The following STXBP5L variants were observed in gnomAD, a reference collection of about 807,000 sequenced individuals.
STXBP5L encodes syntaxin binding protein 5L, also known as syntaxin-binding protein 5-like.
A neutral mutation model predicts 144.5 loss-of-function variants in STXBP5L; 65 were observed. The observed-to-expected ratio is 0.45, with a 90% CI of 0.37 to 0.55. The LOEUF (loss-of-function observed/expected upper bound fraction) is 0.55, where lower values mean the gene tolerates loss of function less well. Ranked by LOEUF, STXBP5L falls within the 20% of genes least tolerant of loss-of-function variation. STXBP5L has a pLI of 0.00. For synonymous variants in STXBP5L, 505 were observed against 469.6 expected (o/e 1.08, Z -0.97); for missense variants, 1,298 against 1,405.5 (o/e 0.92, Z 1.22).
At chr3:121,155,282 A>G (rs2046072867) in intron 8 of STXBP5L, among the ~76,000 whole-genome samples, 1 of 151,796 alleles carries the variant, frequency 6.6e-6, no homozygotes, top group African/African-American at 2.4e-5. Context: ...TATCTTCCAT[A>G]TATAACACTT....
At chr3:121,011,663 T>A (rs11921863) in intron 3 of STXBP5L, among the ~76,000 whole-genome samples, 17,162 of 147,870 alleles carry the variant, frequency 0.12, 1,565 homozygotes, top group African/African-American at 0.22. Context: ...TATTCACTTT[T>A]AAAAAAAAAA....
chr3:121,169,587 A>T (rs929771664), intron 9 of STXBP5L, among the ~76,000 whole-genome samples: 1 of 152,224 alleles, frequency 6.6e-6, no homozygotes, highest in Non-Finnish European at 1.5e-5. Context: ...ACAAAGATCA[A>T]AAGAGACAAA....
At chr3:121,246,480 TAC>T (rs1262235868) in intron 14 of STXBP5L, among the ~76,000 whole-genome samples, 1 of 152,220 alleles carries the variant, frequency 6.6e-6, no homozygotes, top group Non-Finnish European at 1.5e-5. Context: ...CTATGTTACA[TAC>T]ATTGTTATTT....
intron 15 of STXBP5L, among the ~76,000 whole-genome samples, 194 bp from the exon 16 acceptor site, chr3:121,254,701 T>G (rs971966500): frequency 9.2e-5 from 14 of 152,196 alleles, no homozygotes; most frequent in Admixed American, 9.2e-4. Context: ...AATGTTTATT[T>G]TTTTCCCTGT....
At chr3:121,070,317 C>T (rs111542653) in intron 5 of STXBP5L, among the ~76,000 whole-genome samples, 3,787 of 152,256 alleles carry the variant, frequency 0.025, 68 homozygotes, top group Non-Finnish European at 0.044. Flanking sequence ...TGTGACCCTG[C>T]AGCCATGCAG....
chr3:121,165,223 T>G (rs1170997335), intron 9 of STXBP5L, among the ~76,000 whole-genome samples: 1 of 152,230 alleles, frequency 6.6e-6, no homozygotes, highest in East Asian at 1.9e-4. Flanking sequence ...CTTTAAAAGT[T>G]TGGAAGTTCC....
chr3:121,353,098 G>A (rs1017795551), intron 20 of STXBP5L, among the ~76,000 whole-genome samples: 1 of 152,054 alleles, frequency 6.6e-6, no homozygotes, highest in African/African-American at 2.4e-5. Flanking sequence ...ATTTTATTGA[G>A]GATTTTTGCA....
chr3:121,178,222 G>A (rs1342703513), intron 9 of STXBP5L, among the ~76,000 whole-genome samples: 1 of 152,150 alleles, frequency 6.6e-6, no homozygotes, highest in Non-Finnish European at 1.5e-5. Flanking sequence ...GCACAACAAT[G>A]TGAATCTACT....
chr3:121,053,549 C>A (rs1948199320), intron 5 of STXBP5L, among the ~76,000 whole-genome samples: 2 of 152,044 alleles, frequency 1.3e-5, no homozygotes, highest in Non-Finnish European at 2.9e-5. Context: ...GTGTAGAAAG[C>A]TGAATTTGGA....
chr3:121,090,731 A>C (rs1560116583), intron 5 of STXBP5L, among the ~76,000 whole-genome samples: 1 of 151,934 alleles, frequency 6.6e-6, no homozygotes, highest in Non-Finnish European at 1.5e-5. Context: ...GCTTTACTTC[A>C]TGGGGACACA....
intron 2 of STXBP5L, among the ~76,000 whole-genome samples, chr3:120,941,744 G>T (rs2107654138): frequency 6.6e-6 from 1 of 151,720 alleles, no homozygotes; most frequent in South Asian, 2.1e-4. Context: ...TTTAATCGTG[G>T]CACTAGGCTC....
chr3:121,109,713 T>G (rs1459282685), intron 5 of STXBP5L, among the ~76,000 whole-genome samples: 1 of 151,860 alleles, frequency 6.6e-6, no homozygotes, highest in Non-Finnish European at 1.5e-5. Context: ...GGATAGAGAG[T>G]TCTGTAGATA....
chr3:121,046,331 G>A (rs1423141596), intron 5 of STXBP5L, among the ~76,000 whole-genome samples: 1 of 151,852 alleles, frequency 6.6e-6, no homozygotes, highest in Admixed American at 6.6e-5. Context: ...TTTTTTTGTT[G>A]TATTTCTGCC....
intron 9 of STXBP5L, among the ~76,000 whole-genome samples, chr3:121,168,965 A>G (rs1160537900): frequency 6.6e-6 from 1 of 152,228 alleles, no homozygotes; most frequent in East Asian, 1.9e-4. Context: ...CACAAAGGGA[A>G]GCCCATTAGA....
intron 20 of STXBP5L, among the ~76,000 whole-genome samples, chr3:121,373,383 G>A (rs1324652609): frequency 1.3e-5 from 2 of 152,208 alleles, no homozygotes; most frequent in East Asian, 3.8e-4. Flanking sequence ...GAGTCCACAA[G>A]ACTGCATTGT....
chr3:121,245,316 A>G (rs1248872587), intron 14 of STXBP5L, among the ~76,000 whole-genome samples: 1 of 151,562 alleles, frequency 6.6e-6, no homozygotes, highest in Admixed American at 6.6e-5. Context: ...GGTGCACAAA[A>G]GAAAATGAAA....
At chr3:121,309,356 C>T (rs534576574) in intron 19 of STXBP5L, among the ~76,000 whole-genome samples, 1 of 151,856 alleles carries the variant, frequency 6.6e-6, no homozygotes, top group South Asian at 2.1e-4. Context: ...GTACTAATAC[C>T]ATTTAAAAAA....
Position 120,917,412 on chromosome 3 carries a change from A to C in STXBP5L, c.189+7645A>C, listed in dbSNP as rs868019190. Among the ~76,000 whole-genome samples, 16 of 152,310 alleles carry C rather than the reference A, an allele frequency of 1.1e-4. No homozygotes were observed. In the Middle Eastern group the frequency reaches 0.02, roughly 194 times the overall value. ...GAAAAGTGGTGAAAAAATAGCAGAG[A>C]CAGTAGGTTTTAATATCATTTTGGT... On this transcript the variant is annotated intron_variant, in intron 2 of 26. Transcript: ENST00000471454.
intron 15 of STXBP5L, among the ~76,000 whole-genome samples, chr3:121,253,651 G>T (rs1160591351): frequency 1.4e-5 from 2 of 139,112 alleles, no homozygotes; most frequent in Non-Finnish European, 3.2e-5. Flanking sequence ...TTTTTTTGAC[G>T]GAGTCTCGCT....
Sources: gnomAD v4.1 joint callset for allele counts (sites outside exome capture counted in the v4.1 genomes callset) on GRCh38, gnomAD v4.1.1 for gene constraint, MANE v1.5 for transcripts, NCBI Gene and HGNC (gene_info 2026-07-23, HGNC 2026-07-21) for gene names.